Variants in TAFA1 observed in about 807,000 individuals in gnomAD.
The protein encoded by TAFA1 is chemokine-like protein TAFA-1.
TAFA1 carries 4 observed loss-of-function variants against 18.5 expected under a neutral mutation model. The observed-to-expected ratio is 0.22, with a 90% CI of 0.11 to 0.49. TAFA1 has a LOEUF of 0.49. TAFA1 is among the 20% of genes least tolerant of loss of function. TAFA1 has a pLI of 0.98. For synonymous variants in TAFA1, 56 were observed against 55.2 expected (o/e 1.01, Z -0.06); for missense variants, 147 against 169.0 (o/e 0.87, Z 0.72).
At chr3:68,475,606 G>T (rs1326251021) in intron 3 of TAFA1, among the ~76,000 whole-genome samples, 1 of 152,174 alleles carries the variant, frequency 6.6e-6, no homozygotes, top group African/African-American at 2.4e-5. Context: ...TGTGAATAGT[G>T]CCACAGTAAA....
intron 2 of TAFA1, among the ~76,000 whole-genome samples, chr3:68,174,046 A>G (rs1482554383): frequency 6.6e-6 from 1 of 152,230 alleles, no homozygotes; most frequent in Non-Finnish European, 1.5e-5. Flanking sequence ...TTTTATTCCA[A>G]ATAAACAATG....
chr3:68,427,834 G>A (rs1178470485), intron 3 of TAFA1, among the ~76,000 whole-genome samples: 3 of 151,898 alleles, frequency 2.0e-5, no homozygotes, highest in Non-Finnish European at 4.4e-5. Context: ...TCTTGTGATA[G>A]TGAATAAGTC....
chr3:68,442,979 A>T (rs1225506252), intron 3 of TAFA1, among the ~76,000 whole-genome samples: 1 of 152,172 alleles, frequency 6.6e-6, no homozygotes, highest in African/African-American at 2.4e-5. Flanking sequence ...GTGTAGGGGT[A>T]GCTCTCCTCC....
intron 2 of TAFA1, among the ~76,000 whole-genome samples, chr3:68,301,807 A>C (rs2068307686): frequency 6.6e-6 from 1 of 152,244 alleles, no homozygotes; most frequent in Non-Finnish European, 1.5e-5. Context: ...AAGAAAGAAC[A>C]TCATTTCACT....
intron 2 of TAFA1, chr3:68,144,975 A>G: frequency 9.0e-7 from 1 of 1,110,492 alleles, no homozygotes; most frequent in Non-Finnish European, 1.4e-6. Context: ...TGGCATCAAG[A>G]TGCCTAGGCC....
intron 2 of TAFA1, among the ~76,000 whole-genome samples, chr3:68,177,963 T>C (rs1011236230): frequency 6.6e-6 from 1 of 152,070 alleles, no homozygotes; most frequent in Non-Finnish European, 1.5e-5. Flanking sequence ...GCTAACATGG[T>C]GAAACCCCAT....
intron 2 of TAFA1, among the ~76,000 whole-genome samples, chr3:68,168,245 A>G (rs1480060564): frequency 1.3e-5 from 2 of 152,066 alleles, no homozygotes; most frequent in Non-Finnish European, 1.5e-5. Flanking sequence ...GCCCAGTGGC[A>G]ATTGCTGTAA....
At chr3:68,236,911 A>G (rs534705853) in intron 2 of TAFA1, among the ~76,000 whole-genome samples, 7 of 152,320 alleles carry the variant, frequency 4.6e-5, no homozygotes, top group African/African-American at 1.7e-4. Context: ...CTCATAAAAC[A>G]TGTGCTGGAA....
At chr3:68,232,184 G>C (rs964278470) in intron 2 of TAFA1, among the ~76,000 whole-genome samples, 2 of 152,060 alleles carry the variant, frequency 1.3e-5, no homozygotes, top group African/African-American at 2.4e-5. Flanking sequence ...CTGTCATTTT[G>C]TATATGTTAA....
chr3:68,247,865 C>T (rs569711337), intron 2 of TAFA1: 8 of 150,032 alleles, frequency 5.3e-5, no homozygotes, highest in Admixed American at 2.0e-4. Flanking sequence ...ATCAATTGGT[C>T]TGATCTCCCT....
At chr3:68,490,389 C>T (rs917271631) in intron 3 of TAFA1, among the ~76,000 whole-genome samples, 11 of 147,008 alleles carry the variant, frequency 7.5e-5, no homozygotes, top group Admixed American at 1.4e-4. Flanking sequence ...ATATTTTGAG[C>T]TTTTAATACG....
intron 2 of TAFA1, among the ~76,000 whole-genome samples, chr3:68,286,988 C>T (rs1045274104): frequency 8.5e-5 from 13 of 152,204 alleles, no homozygotes; most frequent in African/African-American, 2.9e-4. Context: ...GGAAACACAG[C>T]AGTTGTGGGG....
At chr3:68,137,663 C>T (rs1575638688) in intron 2 of TAFA1, among the ~76,000 whole-genome samples, 1 of 152,128 alleles carries the variant, frequency 6.6e-6, no homozygotes, top group Non-Finnish European at 1.5e-5. Context: ...AAGTCATTGC[C>T]TTCATATGGA....
intron 2 of TAFA1, among the ~76,000 whole-genome samples, chr3:68,194,748 A>G (rs1168678628): frequency 2.6e-5 from 4 of 151,732 alleles, no homozygotes; most frequent in Non-Finnish European, 5.9e-5. Context: ...TTAGGACAAA[A>G]TACTTCAAAG....
chr3:68,413,937 A>T (rs978322986), intron 2 of TAFA1, among the ~76,000 whole-genome samples: 2 of 152,128 alleles, frequency 1.3e-5, no homozygotes, highest in African/African-American at 4.8e-5. Flanking sequence ...CTCATGGGGT[A>T]CATGCCTGGG....
At chr3:68,483,265 G>C (rs538771770) in intron 3 of TAFA1, among the ~76,000 whole-genome samples, 1 of 142,344 alleles carries the variant, frequency 7.0e-6, no homozygotes, top group South Asian at 2.3e-4. Flanking sequence ...AACATTTTCT[G>C]TAAAGAACAG....
rs971385591 is a variant in TAFA1 at position 68,528,516 on chromosome 3, G to T, written c.260-10240G>T. On this transcript the variant is annotated intron_variant, in intron 3 of 4. Coordinates refer to ENST00000478136, the MANE Select transcript of TAFA1 (RefSeq NM_213609.4). ...TTAATTTCCTGTTTGCTTTGATAAA[G>T]ACAATAACACACTGGGAGTCACTAC... 2.0e-5 allele frequency among the ~76,000 whole-genome samples: 3 copies of T among 152,126 alleles called. No homozygotes were observed. The East Asian group carries it at 5.8e-4, about 29-fold the overall frequency.
At chr3:68,268,661 T>C (rs760217367) in intron 2 of TAFA1, among the ~76,000 whole-genome samples, 5 of 152,138 alleles carry the variant, frequency 3.3e-5, no homozygotes, top group Admixed American at 6.5e-5. Context: ...CGAAGCCCTT[T>C]GGTTTTCTTC....
At chr3:68,253,518 A>C (rs1242523504) in intron 2 of TAFA1, among the ~76,000 whole-genome samples, 1 of 152,150 alleles carries the variant, frequency 6.6e-6, no homozygotes, top group South Asian at 2.1e-4. Flanking sequence ...GATTTTGTGC[A>C]CTACTTACTG....
Sources: allele counts gnomAD v4.1 joint callset (sites outside exome capture counted in the v4.1 genomes callset), GRCh38; gene constraint gnomAD v4.1.1; transcripts MANE v1.5; gene names NCBI Gene and HGNC (gene_info 2026-07-23, HGNC 2026-07-21).